Variants in STAG1 observed in about 807,000 individuals in gnomAD.
STAG1 encodes cohesin subunit SA-1.
STAG1 carries 26 observed loss-of-function variants against 170.9 expected under a neutral mutation model. The ratio of observed to expected loss-of-function variants is 0.15; its 90% CI spans 0.11 to 0.21. STAG1 has a LOEUF of 0.21. Ranked by LOEUF, STAG1 falls within the 10% of genes least tolerant of loss-of-function variation. The pLI, the probability that STAG1 is intolerant of heterozygous loss-of-function variation, is 1.00. For missense variants in STAG1, 964 were observed against 1,509.5 expected, an observed-to-expected ratio of 0.64 and a Z score of 5.99; for synonymous variants, 514 against 497.7, an observed-to-expected ratio of 1.03 and a Z score of -0.44.
chr3:136,746,850 A>G (rs1217343480), intron 1 of STAG1, among the ~76,000 whole-genome samples: 1 of 152,040 alleles, frequency 6.6e-6, no homozygotes, highest in African/African-American at 2.4e-5. Flanking sequence ...TAATCCCAGC[A>G]CTTTCGGAGG....
intron 1 of STAG1, among the ~76,000 whole-genome samples, chr3:136,647,219 G>C (rs145516946): frequency 2.2e-4 from 33 of 152,290 alleles, no homozygotes; most frequent in African/African-American, 7.0e-4. Context: ...GAGAAGTCAT[G>C]CAGTGCCCAA....
At chr3:136,421,233 A>G in intron 19 of STAG1, 70 bp from the exon 20 acceptor site, 1 of 949,066 alleles carries the variant, frequency 1.1e-6, no homozygotes, top group Non-Finnish European at 1.5e-6. Context: ...CTTATTGCCT[A>G]AATAAAAATT....
chr3:136,613,830 C>T (rs1312347248), intron 3 of STAG1, among the ~76,000 whole-genome samples: 1 of 152,166 alleles, frequency 6.6e-6, no homozygotes, highest in African/African-American at 2.4e-5. Flanking sequence ...GAATTACTGG[C>T]AATGATTCTC....
Position 136,367,717 on chromosome 3 carries a change from G to C in STAG1, c.2546-635C>G, listed in dbSNP as rs1324413523. On this transcript the variant is annotated intron_variant, in intron 24 of 33. Transcript: ENST00000383202. ...GAAATATGGATGAGTTAAATTTTCA[G>C]TGCTCATCCTAAACATGGTTACATT... Among the ~76,000 whole-genome samples, 3 of 152,080 alleles carry C rather than the reference G, an allele frequency of 2.0e-5. No homozygotes were observed. In the East Asian group the frequency reaches 5.8e-4, roughly 29 times the overall value.
At chr3:136,423,853 CTTTT>C (rs1202281018) in intron 16 of STAG1, among the ~76,000 whole-genome samples, 3 of 145,122 alleles carry the variant, frequency 2.1e-5, no homozygotes, top group Non-Finnish European at 4.6e-5. Flanking sequence ...ATTGTTCAGT[CTTTT>C]TTTTTTTTAT....
intron 21 of STAG1, among the ~76,000 whole-genome samples, chr3:136,410,573 A>C (rs1270340348): frequency 2.0e-5 from 3 of 152,228 alleles, no homozygotes; most frequent in African/African-American, 7.2e-5. Flanking sequence ...ACCTAAGGCT[A>C]GTTATTTAGT....
intron 15 of STAG1, among the ~76,000 whole-genome samples, chr3:136,437,085 T>C (rs770067280): frequency 5.3e-5 from 8 of 152,222 alleles, no homozygotes; most frequent in Non-Finnish European, 1.0e-4. Flanking sequence ...GCCCATGAAC[T>C]AAATGCATTG....
intron 22 of STAG1, among the ~76,000 whole-genome samples, chr3:136,379,714 C>A (rs113812795): frequency 1.2e-3 from 176 of 151,484 alleles, no homozygotes; most frequent in African/African-American, 2.5e-3. Flanking sequence ...ATCTCAACAA[C>A]AACAAAAAAG....
chr3:136,485,419 T>C (rs1372665034), intron 9 of STAG1, among the ~76,000 whole-genome samples: 1 of 152,050 alleles, frequency 6.6e-6, no homozygotes, highest in Non-Finnish European at 1.5e-5. Context: ...ATCACGCCAC[T>C]GCACTCCAGC....
At chr3:136,469,141 A>G (rs942159177) in intron 12 of STAG1, among the ~76,000 whole-genome samples, 6 of 152,174 alleles carry the variant, frequency 3.9e-5, no homozygotes, top group Admixed American at 3.3e-4. Flanking sequence ...GGCCAGGGCA[A>G]TCAGGCAGGA....
intron 3 of STAG1, among the ~76,000 whole-genome samples, chr3:136,613,725 G>C (rs1010950491): frequency 1.3e-5 from 2 of 152,118 alleles, no homozygotes; most frequent in Non-Finnish European, 2.9e-5. Context: ...GGACTCAAGT[G>C]ATTTGCCCCG....
chr3:136,475,718 T>C (rs1372299107), intron 10 of STAG1, among the ~76,000 whole-genome samples: 2 of 152,188 alleles, frequency 1.3e-5, no homozygotes, highest in African/African-American at 2.4e-5. Flanking sequence ...TGGATGTGCA[T>C]TAACTTGTAC....
intron 1 of STAG1, among the ~76,000 whole-genome samples, chr3:136,724,908 T>C (rs950671269): frequency 2.6e-5 from 4 of 152,100 alleles, no homozygotes; most frequent in African/African-American, 9.7e-5. Context: ...TGTGAATGTC[T>C]GTTCAAAAAA....
At chr3:136,382,073 C>T (rs1160622409) in intron 22 of STAG1, among the ~76,000 whole-genome samples, 2 of 152,148 alleles carry the variant, frequency 1.3e-5, no homozygotes, top group Non-Finnish European at 2.9e-5. Context: ...CTGGGGGCAA[C>T]TTATAATGTG....
intron 5 of STAG1, among the ~76,000 whole-genome samples, chr3:136,559,391 T>C (rs1455832053): frequency 6.6e-6 from 1 of 151,946 alleles, no homozygotes; most frequent in Non-Finnish European, 1.5e-5. Flanking sequence ...AAAATAACAA[T>C]TAAAAAAAAG....
chr3:136,442,061 G>A (rs2088650579), intron 15 of STAG1, among the ~76,000 whole-genome samples: 2 of 152,180 alleles, frequency 1.3e-5, no homozygotes, highest in Non-Finnish European at 2.9e-5. Flanking sequence ...AGCTGGGCAT[G>A]ATGGCATGTG....
At chr3:136,599,445 G>A (rs1298893328) in intron 4 of STAG1, among the ~76,000 whole-genome samples, 2 of 152,100 alleles carry the variant, frequency 1.3e-5, no homozygotes, top group Non-Finnish European at 2.9e-5. Flanking sequence ...GCAGGAGAGT[G>A]GTGTGAGCCC....
At position 136,337,887 on chromosome 3, in the gene STAG1, T is replaced by G. The variant is rs1042277827; in HGVS notation, c.*367A>C. On this transcript the variant is annotated 3_prime_UTR_variant, in exon 34 of 34. Coordinates refer to ENST00000383202, the MANE Select transcript of STAG1 (RefSeq NM_005862.3). Reference sequence around the variant, plus strand: ...ACAGGAAAATAAAGTTAAAAATATGTTTTTTTTTACTCAATGTTGAGTTTT... The same window carrying G: ...ACAGGAAAATAAAGTTAAAAATATGGTTTTTTTTACTCAATGTTGAGTTTT... 6.8e-5 allele frequency: 12 copies of G among 176,606 alleles called. No homozygotes were observed. The highest frequency in any genetic ancestry group is 3.0e-4 in the East Asian group (2 of 6,732). The allele number at this position is 176,606 out of a possible 1,614,324, so 10.9% of individuals were successfully genotyped here.
At chr3:136,434,208 CT>C (rs2088390692) in intron 15 of STAG1, among the ~76,000 whole-genome samples, 1 of 152,004 alleles carries the variant, frequency 6.6e-6, no homozygotes, top group Non-Finnish European at 1.5e-5. Flanking sequence ...ACATTTATTT[CT>C]GTACAATAAA....
Sources: gnomAD v4.1 joint callset for allele counts (sites outside exome capture counted in the v4.1 genomes callset) on GRCh38, gnomAD v4.1.1 for gene constraint, MANE v1.5 for transcripts, NCBI Gene and HGNC (gene_info 2026-07-23, HGNC 2026-07-21) for gene names.